Variants in OSBPL10 observed in about 807,000 individuals in gnomAD.
The protein encoded by OSBPL10 is oxysterol binding protein like 10.
Under a neutral mutation model 81.7 loss-of-function variants are expected in OSBPL10, and 49 were observed. The observed-to-expected ratio is 0.60, with a 90% confidence interval of 0.48 to 0.76. The LOEUF (loss-of-function observed/expected upper bound fraction) is 0.76, where lower values mean the gene tolerates loss of function less well. Among genes scored for constraint, OSBPL10 ranks in the 30% least tolerant of loss-of-function variants. OSBPL10 has a pLI of 0.00. For missense variants in OSBPL10, 923 were observed against 987.8 expected, an observed-to-expected ratio of 0.93 and a Z score of 0.88; for synonymous variants, 419 against 383.6, an observed-to-expected ratio of 1.09 and a Z score of -1.08.
chr3:32,041,968 G>T (rs1699580368), intron 2 of OSBPL10, among the ~76,000 whole-genome samples: 1 of 152,118 alleles, frequency 6.6e-6, no homozygotes, highest in South Asian at 2.1e-4. Flanking sequence ...CTGAGTTTCT[G>T]AAACTAGTGT....
intron 2 of OSBPL10, among the ~76,000 whole-genome samples, chr3:32,000,896 A>G (rs1699138585): frequency 6.6e-6 from 1 of 152,200 alleles, no homozygotes; most frequent in Non-Finnish European, 1.5e-5. Flanking sequence ...CAAACCAGAA[A>G]GCTTAGAGAC....
At position 31,694,094 on chromosome 3, in the gene OSBPL10, G is replaced by A. The variant is rs1259405120; in HGVS notation, c.1245+8265C>T. On this transcript the variant is annotated intron_variant, in intron 7 of 11. Coordinates refer to ENST00000396556, the MANE Select transcript of OSBPL10 (RefSeq NM_017784.5). ...TTTTACAAAAAATGTTTGCTGGCCG[G>A]GTGCAAAGGCTCTTGCCTGTAATCC... Among the ~76,000 whole-genome samples the A allele has an allele frequency of 2.0e-5, 3 of 152,142 alleles. No homozygotes were observed. In the East Asian group the frequency reaches 5.8e-4, roughly 29 times the overall value.
intron 1 of OSBPL10, among the ~76,000 whole-genome samples, chr3:31,961,591 C>G (rs539764944): frequency 6.6e-6 from 1 of 151,954 alleles, no homozygotes; most frequent in Non-Finnish European, 1.5e-5. Context: ...TGTCTTTTGA[C>G]ATTTGTATTT....
intron 9 of OSBPL10, among the ~76,000 whole-genome samples, chr3:31,669,589 G>A (rs1043982576): frequency 2.6e-5 from 4 of 152,174 alleles, no homozygotes; most frequent in Non-Finnish European, 5.9e-5. Context: ...GTGGCTCTGA[G>A]GAATGACTTC....
chr3:31,736,521 C>G (rs28406887), intron 5 of OSBPL10, among the ~76,000 whole-genome samples: 1 of 151,900 alleles, frequency 6.6e-6, no homozygotes, highest in African/African-American at 2.4e-5. Flanking sequence ...GAGAGGTGGA[C>G]AGATACCTCT....
chr3:31,688,917 A>G (rs1293208445), intron 7 of OSBPL10, among the ~76,000 whole-genome samples: 1 of 152,136 alleles, frequency 6.6e-6, no homozygotes, highest in African/African-American at 2.4e-5. Flanking sequence ...CTCCTAAGAC[A>G]CCTTTGGGGC....
At chr3:31,779,315 A>G (rs906917355) in intron 4 of OSBPL10, among the ~76,000 whole-genome samples, 1 of 152,214 alleles carries the variant, frequency 6.6e-6, no homozygotes, top group Non-Finnish European at 1.5e-5. Context: ...CTGCTGTCTT[A>G]AAGAGACTCA....
At chr3:31,708,628 A>C in intron 6 of OSBPL10, 1 of 767,266 alleles carries the variant, frequency 1.3e-6, no homozygotes, top group Non-Finnish European at 1.6e-6. Context: ...TCACTACTAC[A>C]TGCTTGGAAA....
chr3:31,826,988 T>TCA (rs1270796436), intron 4 of OSBPL10, among the ~76,000 whole-genome samples: 2 of 152,172 alleles, frequency 1.3e-5, no homozygotes, highest in African/African-American at 4.8e-5. Context: ...ATAAAGGTTA[T>TCA]CAATATACAA....
chr3:31,860,698 T>TG (rs1553634562), intron 3 of OSBPL10, among the ~76,000 whole-genome samples: 1 of 152,132 alleles, frequency 6.6e-6, no homozygotes, highest in Non-Finnish European at 1.5e-5. Context: ...TGTTTTTAGA[T>TG]GGAGTTTCAC....
chr3:31,781,949 A>G (rs1698707398), intron 4 of OSBPL10, among the ~76,000 whole-genome samples: 1 of 152,204 alleles, frequency 6.6e-6, no homozygotes, highest in Admixed American at 6.5e-5. Flanking sequence ...ACAACTAGAA[A>G]AAAATCCTAA....
chr3:32,070,010 G>A (rs1699815644), intron 1 of OSBPL10, among the ~76,000 whole-genome samples: 1 of 152,182 alleles, frequency 6.6e-6, no homozygotes, highest in Non-Finnish European at 1.5e-5. Flanking sequence ...AAAGCCTCTG[G>A]AGCCCAAACC....
At chr3:31,740,977 G>A (rs1697330624) in intron 5 of OSBPL10, among the ~76,000 whole-genome samples, 1 of 151,644 alleles carries the variant, frequency 6.6e-6, no homozygotes, top group African/African-American at 2.4e-5. Context: ...ATCATAAGGA[G>A]ACTAAGAGAA....
chr3:31,681,177 C>A (rs562141006), intron 8 of OSBPL10, among the ~76,000 whole-genome samples: 5 of 152,264 alleles, frequency 3.3e-5, no homozygotes, highest in Non-Finnish European at 5.9e-5. Flanking sequence ...CTTCTTGATC[C>A]TGATTGATCC....
At chr3:32,002,504 T>G (rs1699161046) in intron 2 of OSBPL10, among the ~76,000 whole-genome samples, 1 of 152,230 alleles carries the variant, frequency 6.6e-6, no homozygotes, top group South Asian at 2.1e-4. Context: ...CCCAGGAACC[T>G]GTTTGCTGGG....
intron 8 of OSBPL10, among the ~76,000 whole-genome samples, chr3:31,675,651 G>A (rs1355565740): frequency 6.6e-6 from 1 of 152,158 alleles, no homozygotes; most frequent in Non-Finnish European, 1.5e-5. Flanking sequence ...TGGCAATAAA[G>A]AGGAAACTGC....
At chr3:31,778,970 C>T (rs1159900607) in intron 4 of OSBPL10, among the ~76,000 whole-genome samples, 1 of 152,100 alleles carries the variant, frequency 6.6e-6, no homozygotes, top group African/African-American at 2.4e-5. Context: ...CAAAACTAAG[C>T]TTCATAAATG....
chr3:32,007,549 T>G (rs1439768805), intron 2 of OSBPL10, among the ~76,000 whole-genome samples: 2 of 152,144 alleles, frequency 1.3e-5, no homozygotes, highest in South Asian at 2.1e-4. Context: ...ATTTCTTAGC[T>G]TGTAACCTCC....
chr3:31,982,469 A>G (rs1025056149), upstream of OSBPL10, among the ~76,000 whole-genome samples: 1 of 152,138 alleles, frequency 6.6e-6, no homozygotes, highest in African/African-American at 2.4e-5. Context: ...AAAAATTACT[A>G]AATGGAAAAG....
Sources: allele counts gnomAD v4.1 joint callset (sites outside exome capture counted in the v4.1 genomes callset), GRCh38; gene constraint gnomAD v4.1.1; transcripts MANE v1.5; gene names NCBI Gene and HGNC (gene_info 2026-07-23, HGNC 2026-07-21).